The following KCNS3 variants were observed in gnomAD, a reference collection of about 807,000 sequenced individuals.
The protein encoded by KCNS3 is potassium voltage-gated channel modifier subfamily S member 3, also known as delayed-rectifier potassium channel regulatory subunit KCNS3.
KCNS3 carries 13 observed loss-of-function variants against 31.0 expected under a neutral mutation model. That is an observed-to-expected ratio of 0.42 (90% CI 0.27 to 0.67). The LOEUF is 0.67. Ranked by LOEUF, KCNS3 falls within the 30% of genes least tolerant of loss-of-function variation. The probability of loss-of-function intolerance (pLI) is 0.25; values close to 1 mark genes in which losing one functional copy is unlikely to be tolerated. For missense variants in KCNS3, 545 were observed against 622.4 expected (o/e 0.88, Z 1.32); for synonymous variants, 238 against 241.5 (o/e 0.99, Z 0.13).
At chr2:17,886,682 G>C (rs984471899) in intron 1 of KCNS3, among the ~76,000 whole-genome samples, 1 of 149,988 alleles carries the variant, frequency 6.7e-6, no homozygotes, top group Admixed American at 6.6e-5. Flanking sequence ...CCATCCGTCC[G>C]TCCATCCATC....
intron 2 of KCNS3, chr2:17,919,509 T>A (rs773326099): frequency 6.6e-6 from 1 of 152,220 alleles, no homozygotes; most frequent in Non-Finnish European, 1.5e-5. Context: ...TCCTAGTCTT[T>A]CCCTCTTTTT....
Position 17,931,918 on chromosome 2 carries a change from G to A in KCNS3, c.910G>A (p.Ala304Thr). ...GAGGATTTTCCGAATTCTAAAGCTT[G>A]CCCGGCACTCGGTAGGACTTCGGTC... is the stretch of plus-strand genomic sequence containing the variant. ...LMRIFRILKL[A>T]RHSVGLRSLG... Residue 304 changes from alanine to threonine, a missense_variant, in exon 3 of 3, where the codon GCC becomes ACC. By Grantham distance (58) the Ala-to-Thr change is moderately conservative. Coordinates refer to ENST00000304101, the MANE Select transcript of KCNS3 (RefSeq NM_002252.5). The surrounding 1 kb of genome is among the most constrained non-coding windows in gnomAD (Gnocchi z 5.4). The A allele has an allele frequency of 6.2e-7, 1 of 1,614,144 alleles. No individual in the cohort carries two copies. Among genetic ancestry groups the A allele is most frequent in the Non-Finnish European group, 8.5e-7 (1 of 1,180,012 alleles).
At chr2:17,890,392 C>T (rs887982616) in intron 1 of KCNS3, among the ~76,000 whole-genome samples, 27 of 64,272 alleles carry the variant, frequency 4.2e-4, no homozygotes, top group South Asian at 3.5e-3. Context: ...TTTCATTTAT[C>T]TTTTGTATTT....
chr2:17,932,241 G>A lies in KCNS3; in HGVS notation c.1233G>A (p.Lys411=), dbSNP rs3747516. ...PITIIFNKFS[K]YYQKQKDIDV... is the part of the protein sequence containing the mutation. ...CCATCATCTTCAACAAGTTTTCCAA[G>A]TACTACCAGAAGCAAAAGGACATTG... Residue 411 remains lysine (K), a synonymous_variant, in exon 3 of 3, where the codon AAG becomes AAA. Coordinates refer to ENST00000304101, the MANE Select transcript of KCNS3 (RefSeq NM_002252.5). The A allele has an allele frequency of 0.2, 316,613 of 1,613,468 alleles. 38,584 individuals carry two copies. The highest frequency in any genetic ancestry group is 0.49 in the East Asian group (22,171 of 44,852).
intron 2 of KCNS3, chr2:17,919,614 T>C (rs1489240974): frequency 2.0e-5 from 3 of 152,268 alleles, no homozygotes; most frequent in African/African-American, 7.2e-5. Context: ...AGTTTATGAA[T>C]GCTCTGGAAT....
chr2:17,910,300 G>A (rs1662440675), intron 1 of KCNS3, among the ~76,000 whole-genome samples: 1 of 152,162 alleles, frequency 6.6e-6, no homozygotes, highest in Non-Finnish European at 1.5e-5. Flanking sequence ...TTCTATTGGT[G>A]TGAAGTCATT....
At chr2:17,907,538 C>G (rs1363415379) in intron 1 of KCNS3, among the ~76,000 whole-genome samples, 1 of 152,180 alleles carries the variant, frequency 6.6e-6, no homozygotes, top group South Asian at 2.1e-4. Flanking sequence ...TTAGTTGATG[C>G]AGTTTATTCC....
At chr2:17,885,403 A>G (rs7599944) in intron 1 of KCNS3, among the ~76,000 whole-genome samples, 125,426 of 152,186 alleles carry the variant, frequency 0.82, 52,007 homozygotes, top group East Asian at 0.97. Context: ...TTTGTGTTAG[A>G]GTTTTCTAGA....
chr2:17,930,638 T>G (rs889402384), intron 2 of KCNS3, among the ~76,000 whole-genome samples: 3 of 152,180 alleles, frequency 2.0e-5, no homozygotes, highest in Non-Finnish European at 4.4e-5. Flanking sequence ...ATTGTATTTT[T>G]GGGGGCAAGG....
intron 1 of KCNS3, among the ~76,000 whole-genome samples, chr2:17,906,896 G>T (rs1237594296): frequency 2.0e-5 from 3 of 152,190 alleles, no homozygotes; most frequent in African/African-American, 7.2e-5. Context: ...GTCAATTTTG[G>T]AATAAGTGTG....
intron 1 of KCNS3, among the ~76,000 whole-genome samples, chr2:17,905,074 G>C (rs1167182142): frequency 6.6e-6 from 1 of 152,192 alleles, no homozygotes; most frequent in Non-Finnish European, 1.5e-5. Flanking sequence ...TCACAATAAT[G>C]ATTCTTCCTA....
chr2:17,914,349 A>C (rs1662542588), intron 1 of KCNS3, among the ~76,000 whole-genome samples: 1 of 152,204 alleles, frequency 6.6e-6, no homozygotes, highest in African/African-American at 2.4e-5. Context: ...GTCAGAACAA[A>C]GGGAAGTCTT....
intron 2 of KCNS3, 35 bp from the exon 3 acceptor site, chr2:17,930,915 G>A (rs532410791): frequency 1.4e-6 from 2 of 1,438,418 alleles, no homozygotes; most frequent in South Asian, 2.7e-5. Context: ...GGCACGGCAG[G>A]ACAGAGTGCT....
chr2:17,916,372 A>G (rs1662586198), intron 1 of KCNS3, among the ~76,000 whole-genome samples: 1 of 151,982 alleles, frequency 6.6e-6, no homozygotes, highest in Non-Finnish European at 1.5e-5. Context: ...AGGAGGAGGA[A>G]GGGGAGGAGG....
chr2:17,931,903 C>T lies in KCNS3; in HGVS notation c.895C>T (p.Arg299Ter), dbSNP rs761825193. The T allele has an allele frequency of 9.9e-6, 16 of 1,614,026 alleles. No homozygotes were observed. The highest frequency in any genetic ancestry group is 2.2e-5 in the East Asian group (1 of 44,874). ...VQILRLMRIF[R>*]ILKLARHSVG... ...GATCCTACGGCTTATGAGGATTTTCCGAATTCTAAAGCTTGCCCGGCACTC... is the reference window on the plus strand; with the variant it reads ...GATCCTACGGCTTATGAGGATTTTCTGAATTCTAAAGCTTGCCCGGCACTC... Residue 299 changes from arginine (R) to a stop codon, truncating the protein, a stop_gained, in exon 3 of 3, where the codon CGA becomes TGA. Coordinates refer to ENST00000304101, the MANE Select transcript of KCNS3 (RefSeq NM_002252.5). LOFTEE classifies it high-confidence loss of function. The surrounding 1 kb of genome is among the most constrained non-coding windows in gnomAD (Gnocchi z 5.4).
At chr2:17,897,307 T>G (rs1662051645) in intron 1 of KCNS3, among the ~76,000 whole-genome samples, 1 of 152,244 alleles carries the variant, frequency 6.6e-6, no homozygotes, top group South Asian at 2.1e-4. Context: ...GATGGGCAAC[T>G]AGGTTGATTC....
intron 1 of KCNS3, among the ~76,000 whole-genome samples, chr2:17,888,635 A>C (rs10195764): frequency 0.049 from 1,357 of 27,922 alleles, 12 homozygotes; most frequent in South Asian, 0.071. Context: ...AAATGTATAT[A>C]TATATATATA....
chr2:17,910,895 T>C (rs957802133), intron 1 of KCNS3, among the ~76,000 whole-genome samples: 7 of 152,174 alleles, frequency 4.6e-5, no homozygotes, highest in Admixed American at 1.3e-4. Context: ...TATAAATAGC[T>C]CTAGGTCATA....
intron 2 of KCNS3, among the ~76,000 whole-genome samples, chr2:17,927,544 A>G (rs1011808821): frequency 2.0e-5 from 3 of 152,242 alleles, no homozygotes; most frequent in Admixed American, 6.5e-5. Context: ...GAGCTGAGGA[A>G]GCCTCAGGAA....
Sources: allele counts gnomAD v4.1 joint callset (sites outside exome capture counted in the v4.1 genomes callset), GRCh38; gene constraint gnomAD v4.1.1; non-coding constraint Gnocchi (gnomAD v3.1); transcripts MANE v1.5; gene names NCBI Gene and HGNC (gene_info 2026-07-23, HGNC 2026-07-21).